The following PRKN variants were observed in gnomAD, a reference collection of about 807,000 sequenced individuals.
PRKN encodes the protein E3 ubiquitin-protein ligase parkin.
PRKN carries 56 observed loss-of-function variants against 59.5 expected under a neutral mutation model. The observed-to-expected ratio is 0.94, with a 90% CI of 0.76 to 1.18. The LOEUF is 1.18. PRKN is among the 50% of genes most tolerant of loss of function. The pLI is 0.00. For synonymous variants in PRKN, 250 were observed against 222.1 expected (o/e 1.13, Z -1.12); for missense variants, 657 against 596.4 (o/e 1.10, Z -1.06).
intron 9 of PRKN, among the ~76,000 whole-genome samples, chr6:161,486,680 A>G (rs1339150561): frequency 6.6e-6 from 1 of 152,228 alleles, no homozygotes; most frequent in Non-Finnish European, 1.5e-5. Flanking sequence ...GCTATTAGCA[A>G]TTTACTATTT....
At chr6:162,414,847 C>T (rs993966284) in intron 2 of PRKN, among the ~76,000 whole-genome samples, 1 of 151,710 alleles carries the variant, frequency 6.6e-6, no homozygotes, top group Non-Finnish European at 1.5e-5. Context: ...CATTGATGTC[C>T]ATCTATTAAT....
At chr6:161,505,991 A>G (rs1224569128) in intron 9 of PRKN, among the ~76,000 whole-genome samples, 17 of 151,690 alleles carry the variant, frequency 1.1e-4, no homozygotes, top group Non-Finnish European at 1.9e-4. Flanking sequence ...TTGGCTTAGG[A>G]TTGACTTGGC....
intron 6 of PRKN, among the ~76,000 whole-genome samples, chr6:161,880,907 G>A (rs934821694): frequency 3.9e-5 from 6 of 152,184 alleles, no homozygotes; most frequent in Non-Finnish European, 8.8e-5. Context: ...TTATAAGGAC[G>A]TGGGAGATTG....
At chr6:161,433,075 TATGTTTTGATGATAGA>T (rs1377793925) in intron 9 of PRKN, among the ~76,000 whole-genome samples, 1 of 152,150 alleles carries the variant, frequency 6.6e-6, no homozygotes, top group Non-Finnish European at 1.5e-5. Flanking sequence ...AAAATAAAAA[TATGTTTTGATGATAGA>T]CTATCATGTG....
chr6:161,860,730 C>A (rs1488213181), intron 6 of PRKN, among the ~76,000 whole-genome samples: 1 of 152,050 alleles, frequency 6.6e-6, no homozygotes, highest in Non-Finnish European at 1.5e-5. Flanking sequence ...TTGTGCTGTG[C>A]AGAAGCTCTT....
At chr6:162,109,856 G>A (rs904287494) in intron 4 of PRKN, among the ~76,000 whole-genome samples, 19 of 152,174 alleles carry the variant, frequency 1.2e-4, no homozygotes, top group East Asian at 7.7e-4. Context: ...GGTGTATATT[G>A]GACATTACTC....
intron 7 of PRKN, among the ~76,000 whole-genome samples, chr6:161,664,967 T>C (rs772704672): frequency 8.6e-5 from 13 of 152,040 alleles, no homozygotes; most frequent in Non-Finnish European, 1.6e-4. Context: ...TTTGTAATTG[T>C]AGTAGAGATG....
chr6:161,969,992 G>T (rs1295250417), intron 6 of PRKN, among the ~76,000 whole-genome samples: 1 of 152,024 alleles, frequency 6.6e-6, no homozygotes, highest in African/African-American at 2.4e-5. Context: ...CGGAATTTTA[G>T]GTACCTATTT....
intron 4 of PRKN, among the ~76,000 whole-genome samples, chr6:162,190,347 T>C (rs1784221025): frequency 6.6e-6 from 1 of 152,152 alleles, no homozygotes; most frequent in South Asian, 2.1e-4. Context: ...AGAATCTTAA[T>C]CCCCACTTTA....
intron 7 of PRKN, 80 bp from the exon 8 acceptor site, chr6:161,569,496 T>A: frequency 8.4e-7 from 1 of 1,187,670 alleles, no homozygotes; most frequent in South Asian, 1.2e-5. Context: ...GTTATGACTA[T>A]CAACTGCCAG....
chr6:162,000,338 G>T (rs577979853), intron 5 of PRKN, among the ~76,000 whole-genome samples: 2 of 152,142 alleles, frequency 1.3e-5, no homozygotes, highest in Non-Finnish European at 2.9e-5. Flanking sequence ...TTTGGCCATT[G>T]TAATAGATGT....
chr6:162,006,550 C>T (rs1056086964), intron 5 of PRKN, among the ~76,000 whole-genome samples: 10 of 152,176 alleles, frequency 6.6e-5, no homozygotes, highest in African/African-American at 2.4e-4. Flanking sequence ...CGTGAGTTGG[C>T]CCAGTCTGCA....
At chr6:162,700,947 T>C (rs917981415) in intron 1 of PRKN, among the ~76,000 whole-genome samples, 1 of 152,124 alleles carries the variant, frequency 6.6e-6, no homozygotes, top group Non-Finnish European at 1.5e-5. Flanking sequence ...TTGCTATTAA[T>C]TAATTTACAT....
chr6:162,011,238 T>TATA (rs1562458456), intron 5 of PRKN, among the ~76,000 whole-genome samples: 13 of 2,056 alleles, frequency 6.3e-3, no homozygotes, highest in South Asian at 0.056. Flanking sequence ...AATATATAAT[T>TATA]TATAATATAT....
chr6:162,545,070 A>C (rs1779065248), intron 1 of PRKN, among the ~76,000 whole-genome samples: 1 of 149,622 alleles, frequency 6.7e-6, no homozygotes, highest in Non-Finnish European at 1.5e-5. Flanking sequence ...ACGAATCGTG[A>C]GGTCAGGAGT....
At chr6:162,703,066 G>A (rs933972213) in intron 1 of PRKN, among the ~76,000 whole-genome samples, 1 of 152,042 alleles carries the variant, frequency 6.6e-6, no homozygotes, top group Non-Finnish European at 1.5e-5. Flanking sequence ...TGATTACTAG[G>A]AAAATCTTAT....
chr6:161,729,916 GTGCTGCATTCTGACA>G (rs1562638197), intron 7 of PRKN, among the ~76,000 whole-genome samples: 41 of 151,878 alleles, frequency 2.7e-4, no homozygotes, highest in African/African-American at 9.7e-4. Context: ...TCTTTCTGAT[GTGCTGCATTCTGACA>G]TGTTGCATTC....
At chr6:161,793,124 C>T (rs1790704981) in intron 6 of PRKN, among the ~76,000 whole-genome samples, 1 of 152,206 alleles carries the variant, frequency 6.6e-6, no homozygotes, top group Non-Finnish European at 1.5e-5. Flanking sequence ...TGGAGAGGAG[C>T]CTGCTCCGAG....
At chr6:161,492,455 C>T (rs188093644) in intron 9 of PRKN, among the ~76,000 whole-genome samples, 10 of 152,324 alleles carry the variant, frequency 6.6e-5, no homozygotes, top group Admixed American at 2.0e-4. Context: ...AAGCAGTCAA[C>T]GTGAAAAGTT....
Sources: gnomAD v4.1 joint callset for allele counts (sites outside exome capture counted in the v4.1 genomes callset) on GRCh38, gnomAD v4.1.1 for gene constraint, MANE v1.5 for transcripts, NCBI Gene and HGNC (gene_info 2026-07-23, HGNC 2026-07-21) for gene names.